Variants in CDH6 observed in about 807,000 individuals in gnomAD.
CDH6 encodes cadherin 6.
In CDH6, 31 loss-of-function variants were observed where a neutral mutation model predicts 78.0. The ratio of observed to expected loss-of-function variants is 0.40; its 90% confidence interval spans 0.30 to 0.54. The LOEUF is 0.54. CDH6 is among the 20% of genes least tolerant of loss of function. CDH6 has a pLI of 0.56. For missense variants in CDH6, 724 were observed against 975.9 expected (o/e 0.74, Z 3.44); for synonymous variants, 376 against 368.8 (o/e 1.02, Z -0.23).
At chr5:31,228,271 C>T (rs1741220910) in intron 1 of CDH6, among the ~76,000 whole-genome samples, 1 of 152,172 alleles carries the variant, frequency 6.6e-6, no homozygotes, top group Admixed American at 6.5e-5. Context: ...GCTCAAGATC[C>T]TTAACCATAT....
At chr5:31,236,481 A>G (rs1299430654) in intron 1 of CDH6, among the ~76,000 whole-genome samples, 1 of 152,172 alleles carries the variant, frequency 6.6e-6, no homozygotes, top group Non-Finnish European at 1.5e-5. Context: ...TTTCTCTCCG[A>G]TCGTCTTAGT....
At chr5:31,265,938 CTAATTTTTTGT>C (rs1742337806) in intron 1 of CDH6, among the ~76,000 whole-genome samples, 1 of 151,482 alleles carries the variant, frequency 6.6e-6, no homozygotes. Context: ...CCACGCCCGG[CTAATTTTTTGT>C]ATTTTTTTAG....
At chr5:31,199,240 C>A (rs1740253285) in intron 1 of CDH6, among the ~76,000 whole-genome samples, 1 of 151,388 alleles carries the variant, frequency 6.6e-6, no homozygotes. Flanking sequence ...CACACACACA[C>A]ATATGTGTAT....
chr5:31,287,780 G>A (rs1334057005), intron 2 of CDH6, among the ~76,000 whole-genome samples: 1 of 152,186 alleles, frequency 6.6e-6, no homozygotes, highest in Admixed American at 6.5e-5. Flanking sequence ...TCTGGAGGTA[G>A]GTGGGGCCAG....
At chr5:31,278,324 G>A (rs920725356) in intron 2 of CDH6, among the ~76,000 whole-genome samples, 1 of 152,086 alleles carries the variant, frequency 6.6e-6, no homozygotes, top group Non-Finnish European at 1.5e-5. Flanking sequence ...TGATACAAAA[G>A]AAGAAAACTC....
chr5:31,298,987 T>G (rs1737682324), intron 4 of CDH6, among the ~76,000 whole-genome samples: 1 of 152,212 alleles, frequency 6.6e-6, no homozygotes, highest in African/African-American at 2.4e-5. Flanking sequence ...ATCTGAGGGA[T>G]AATTAGCTAA....
At chr5:31,259,927 T>C (rs1742168241) in intron 1 of CDH6, among the ~76,000 whole-genome samples, 1 of 152,184 alleles carries the variant, frequency 6.6e-6, no homozygotes, top group Non-Finnish European at 1.5e-5. Flanking sequence ...CTTGCACTGC[T>C]GTGGGAGCAG....
At chr5:31,274,184 G>A (rs1263949994) in intron 2 of CDH6, among the ~76,000 whole-genome samples, 2 of 152,110 alleles carry the variant, frequency 1.3e-5, no homozygotes, top group Non-Finnish European at 2.9e-5. Context: ...AGCCATTATT[G>A]GCAATAATCC....
At position 31,322,850 on chromosome 5, in the gene CDH6, C is replaced by T. The variant is rs1738508464; in HGVS notation, c.1915C>T (p.Gln639Ter). ...TVVLFAALRR[Q>*]RKKEPLIISK... ...GGTGCTGTTTGCAGCTCTGAGGCGG[C>T]AGCGAAAAAAAGAGCCTTTGATCAT... The change falls in exon 12 of 12, where the codon CAG becomes TAG. Residue 639 changes from glutamine to a stop codon, truncating the protein, a stop_gained. Coordinates refer to ENST00000265071, the MANE Select transcript of CDH6 (RefSeq NM_004932.4). LOFTEE classifies it high-confidence loss of function. The T allele has an allele frequency of 6.2e-7, 1 of 1,613,592 alleles. No individual in the cohort carries two copies. Among genetic ancestry groups the T allele is most frequent in the Non-Finnish European group, 8.5e-7 (1 of 1,179,802 alleles).
intron 1 of CDH6, among the ~76,000 whole-genome samples, chr5:31,222,383 G>A (rs535671613): frequency 6.6e-6 from 1 of 152,062 alleles, no homozygotes; most frequent in Non-Finnish European, 1.5e-5. Flanking sequence ...ATATAAGTAT[G>A]TTAAGTTCCT....
In CDH6 at chr5:31,305,223, C is replaced by A; in HGVS notation, c.1049C>A (p.Ser350Tyr). Residue 350 changes from serine (S) to tyrosine (Y), a missense_variant, in exon 7 of 12, where the codon TCC (serine) becomes TAC (tyrosine). By Grantham distance (144) the Ser-to-Tyr change is moderately radical. This residue lies in a region of CDH6 where 446 missense variants were observed against 684.5 expected (regional missense o/e 0.65). Coordinates refer to ENST00000265071, the MANE Select transcript of CDH6 (RefSeq NM_004932.4). ...KKVYTLKVEA[S>Y]NPYVEPRFLY... Reference sequence around the variant, plus strand: ...GTGTATACCCTTAAAGTGGAAGCCTCCAATCCTTATGTTGAGCCACGATTT... The same window carrying A: ...GTGTATACCCTTAAAGTGGAAGCCTACAATCCTTATGTTGAGCCACGATTT... 6.2e-7 allele frequency: 1 copy of A among 1,614,002 alleles called. No individual in the cohort carries two copies. The highest frequency in any genetic ancestry group is 8.5e-7 in the Non-Finnish European group (1 of 1,179,964).
rs562633318 is a variant in CDH6 at position 31,266,998 on chromosome 5, G to A, written c.-128-348G>A. Among the ~76,000 whole-genome samples the A allele has an allele frequency of 7.2e-5, 11 of 152,316 alleles. No individual in the cohort carries two copies. In the South Asian group the frequency reaches 2.1e-3, roughly 29 times the overall value. The stretch of plus-strand genomic sequence containing the variant: ...GTTCATGAGGATAAATATGCAAATA[G>A]AATCAGAAACACAAACTCATTTTTT... On this transcript the variant is annotated intron_variant, in intron 1 of 11. Transcript: ENST00000265071.
At chr5:31,244,735 C>A (rs781695428) in intron 1 of CDH6, among the ~76,000 whole-genome samples, 1 of 152,106 alleles carries the variant, frequency 6.6e-6, no homozygotes, top group Non-Finnish European at 1.5e-5. Context: ...AACAAGGTGG[C>A]CTGAATAGAA....
intron 1 of CDH6, among the ~76,000 whole-genome samples, chr5:31,253,200 T>C (rs1741955959): frequency 6.6e-6 from 1 of 152,142 alleles, no homozygotes; most frequent in Non-Finnish European, 1.5e-5. Flanking sequence ...CCAAATCTCA[T>C]CTTGAATTGT....
rs556963406 is a variant in CDH6, at chr5:31,313,308, G to T, written c.1254-10G>T. 1.0e-5 allele frequency: 16 copies of T among 1,606,496 alleles called. No individual in the cohort carries two copies. The highest frequency in any genetic ancestry group is 1.4e-5 in the Non-Finnish European group (16 of 1,174,068). On this transcript the variant is annotated splice_polypyrimidine_tract_variant and intron_variant, in intron 7 of 11. Coordinates refer to ENST00000265071, the MANE Select transcript of CDH6 (RefSeq NM_004932.4). ...GAAAAGCCTTTCTTAATTCCACTCT[G>T]CATTTTCAGGTACTCTGTAGATCGA...
At chr5:31,218,420 A>T (rs116671462) in intron 1 of CDH6, among the ~76,000 whole-genome samples, 2,541 of 152,248 alleles carry the variant, frequency 0.017, 79 homozygotes, top group African/African-American at 0.058. Context: ...CAAAGAGCTC[A>T]TTTTACTGGT....
At chr5:31,286,188 C>G (rs1283149614) in intron 2 of CDH6, among the ~76,000 whole-genome samples, 8 of 152,188 alleles carry the variant, frequency 5.3e-5, no homozygotes, top group Non-Finnish European at 2.9e-5. Context: ...GTATATCAGG[C>G]TCTGAGGATA....
At chr5:31,288,110 G>C (rs1307985888) in intron 2 of CDH6, among the ~76,000 whole-genome samples, 1 of 152,146 alleles carries the variant, frequency 6.6e-6, no homozygotes, top group Non-Finnish European at 1.5e-5. Flanking sequence ...AATAGGACTA[G>C]AGCAAGCCAA....
chr5:31,243,035 C>T (rs1025957831), intron 1 of CDH6, among the ~76,000 whole-genome samples: 1 of 152,084 alleles, frequency 6.6e-6, no homozygotes, highest in African/African-American at 2.4e-5. Context: ...TTTGAATCAA[C>T]CAACCAAGCC....
Sources: gnomAD v4.1 joint callset for allele counts (sites outside exome capture counted in the v4.1 genomes callset) on GRCh38, gnomAD v4.1.1 for gene constraint, gnomAD v4.1.1 regional missense constraint, MANE v1.5 for transcripts, NCBI Gene and HGNC (gene_info 2026-07-23, HGNC 2026-07-21) for gene names.